Variants in VAV1 observed in about 807,000 individuals in gnomAD.
VAV1 encodes proto-oncogene vav.
A neutral mutation model predicts 128.1 loss-of-function variants in VAV1; 33 were observed. The ratio of observed to expected loss-of-function variants is 0.26; its 90% CI spans 0.20 to 0.34. VAV1 has a LOEUF of 0.34. VAV1 is among the 10% of genes least tolerant of loss of function. VAV1 has a pLI of 1.00. For synonymous variants in VAV1, 394 were observed against 409.8 expected, an observed-to-expected ratio of 0.96 and a Z score of 0.47; for missense variants, 715 against 1,093.7, an observed-to-expected ratio of 0.65 and a Z score of 4.88.
intron 1 of VAV1, among the ~76,000 whole-genome samples, chr19:6,781,742 A>G (rs692221): frequency 0.26 from 39,141 of 151,448 alleles, 5,696 homozygotes; most frequent in African/African-American, 0.39. Context: ...CAAGTAGCTG[A>G]GATTACAGGT....
At chr19:6,824,983 CCT>C in intron 6 of VAV1, 68 bp from the exon 7 acceptor site, 2 of 1,513,416 alleles carry the variant, frequency 1.3e-6, no homozygotes, top group Non-Finnish European at 1.8e-6. Flanking sequence ...GTCTCCTTCC[CCT>C]GTCTCTCTGA....
intron 1 of VAV1, among the ~76,000 whole-genome samples, chr19:6,819,294 C>T (rs1971731320): frequency 6.6e-6 from 1 of 151,936 alleles, no homozygotes. Context: ...TATGAATATC[C>T]AGTCCTAAAA....
chr19:6,821,587 A>G (rs759373425), intron 2 of VAV1, 35 bp from the exon 3 acceptor site: 1 of 1,613,776 alleles, frequency 6.2e-7, no homozygotes, highest in South Asian at 1.1e-5. Flanking sequence ...GGGGGTGTAC[A>G]AGGGGCTCAC....
chr19:6,848,490 C>T (rs1972582250), intron 23 of VAV1, among the ~76,000 whole-genome samples: 1 of 151,122 alleles, frequency 6.6e-6, no homozygotes, highest in South Asian at 2.1e-4. Context: ...CTCACTGCAA[C>T]CTCCCAGGTT....
chr19:6,797,761 A>G (rs565451712), intron 1 of VAV1, among the ~76,000 whole-genome samples: 103 of 151,652 alleles, frequency 6.8e-4, no homozygotes, highest in Non-Finnish European at 1.1e-3. Context: ...AAAAAAAAAA[A>G]AGAGTAGGAG....
intron 26 of VAV1, among the ~76,000 whole-genome samples, chr19:6,855,627 C>A (rs1972775123): frequency 6.6e-6 from 1 of 151,962 alleles, no homozygotes; most frequent in South Asian, 2.1e-4. Context: ...TCATCCATTT[C>A]TATCTGTGCA....
intron 1 of VAV1, among the ~76,000 whole-genome samples, chr19:6,796,525 C>T (rs2144722954): frequency 6.6e-6 from 1 of 152,272 alleles, no homozygotes; most frequent in East Asian, 1.9e-4. Flanking sequence ...CTGGCTGTTC[C>T]CTCTGCCTGA....
intron 24 of VAV1, 52 bp from the exon 25 acceptor site, chr19:6,852,913 C>A (rs552563453): frequency 4.0e-6 from 6 of 1,497,088 alleles, no homozygotes; most frequent in Non-Finnish European, 5.5e-6. Flanking sequence ...AGCTCTGCCC[C>A]CTTATGGGCT....
intron 1 of VAV1, among the ~76,000 whole-genome samples, chr19:6,788,983 C>A (rs1325714459): frequency 6.6e-6 from 1 of 152,190 alleles, no homozygotes; most frequent in Non-Finnish European, 1.5e-5. Context: ...CTGGGAGCTG[C>A]CCTGTGTATT....
chr19:6,830,802 A>G (rs1599664201), intron 14 of VAV1, among the ~76,000 whole-genome samples: 1 of 151,148 alleles, frequency 6.6e-6, no homozygotes, highest in Admixed American at 6.6e-5. Context: ...AAAATAAAGT[A>G]GGTGGCTGGG....
chr19:6,854,623 G>A (rs1723931036), intron 26 of VAV1, among the ~76,000 whole-genome samples: 1 of 152,122 alleles, frequency 6.6e-6, no homozygotes, highest in African/African-American at 2.4e-5. Flanking sequence ...GCTGAGGTGG[G>A]AGGATTGCTT....
At chr19:6,780,350 TG>T (rs1467528733) in intron 1 of VAV1, among the ~76,000 whole-genome samples, 1 of 149,970 alleles carries the variant, frequency 6.7e-6, no homozygotes, top group Admixed American at 6.6e-5. Context: ...AGTTGTGTGT[TG>T]CTTAATAAAA....
intron 1 of VAV1, among the ~76,000 whole-genome samples, chr19:6,776,948 G>A (rs1970656407): frequency 6.6e-6 from 1 of 152,072 alleles, no homozygotes; most frequent in Non-Finnish European, 1.5e-5. Context: ...GTAGAGATGG[G>A]GTTTCACCAT....
At chr19:6,817,363 C>CA (rs1971679196) in intron 1 of VAV1, among the ~76,000 whole-genome samples, 1 of 151,838 alleles carries the variant, frequency 6.6e-6, no homozygotes. Flanking sequence ...AGCACCCAGC[C>CA]AAAAAATGCA....
Position 6,777,376 on chromosome 19 carries a change from C to T in VAV1, c.204+4365C>T, listed in dbSNP as rs1970671529. 6.6e-6 allele frequency among the ~76,000 whole-genome samples: 1 copy of T among 152,140 alleles called. No homozygotes were observed. The highest frequency in any genetic ancestry group is 1.5e-5 in the Non-Finnish European group (1 of 68,028). ...ACAAAAACCCCTGTTGTTGAGGAGC[C>T]TGCATTCTAGTGGGGGAGGCTGACA... On this transcript the variant is annotated intron_variant, in intron 1 of 26. Transcript: ENST00000602142. This position sits in a 1 kb window ranked among gnomAD's most constrained non-coding sequence, Gnocchi z 4.4.
rs1402704511 is a variant in VAV1, at chr19:6,820,240, T to C, written c.205-462T>C. Among the ~76,000 whole-genome samples the C allele has an allele frequency of 6.6e-6, 1 of 152,088 alleles. No homozygotes were observed. Among genetic ancestry groups the C allele is most frequent in the Non-Finnish European group, 1.5e-5 (1 of 68,020 alleles). The stretch of plus-strand genomic sequence containing the variant: ...AGGTGGAGGCAGGAGGCATGGTTTT[T>C]TGTTTGTTTGTTTGAGACAGGGTCT... On this transcript the variant is annotated intron_variant, in intron 1 of 26. Transcript: ENST00000602142. The surrounding 1 kb of genome is among the most constrained non-coding windows in gnomAD (Gnocchi z 4.4).
chr19:6,789,644 C>T (rs905851426), intron 1 of VAV1, among the ~76,000 whole-genome samples: 12 of 152,050 alleles, frequency 7.9e-5, no homozygotes, highest in Non-Finnish European at 1.3e-4. Flanking sequence ...GTCACTCAGA[C>T]TGGACTACAG....
At chr19:6,852,548 C>T (rs919187229) in intron 24 of VAV1, among the ~76,000 whole-genome samples, 27 of 151,878 alleles carry the variant, frequency 1.8e-4, no homozygotes, top group East Asian at 3.9e-4. Flanking sequence ...GGTGAAACCC[C>T]GTCTCTACTA....
Position 6,828,683 on chromosome 19 carries a change from A to G in VAV1, c.1154A>G (p.Asn385Ser). The G allele has an allele frequency of 2.5e-6, 4 of 1,614,128 alleles. No individual in the cohort carries two copies. The highest frequency in any genetic ancestry group is 1.1e-5 in the South Asian group (1 of 91,082). ...AACGAGACACTGCGACAGATCACCAATTTCCAGCTGTCCATTGAGAACCTG... is the reference window on the plus strand; with the variant it reads ...AACGAGACACTGCGACAGATCACCAGTTTCCAGCTGTCCATTGAGAACCTG... ...RDNETLRQIT[N>S]FQLSIENLDQ... The change falls in exon 12 of 27, where the codon AAT (asparagine) becomes AGT (serine). Residue 385 changes from asparagine (N) to serine (S), a missense_variant. Asn to Ser is a conservative substitution (Grantham distance 46). This residue lies in a region of VAV1 where 6 missense variants were observed against 35.3 expected (regional missense o/e 0.17). Transcript: ENST00000602142. This position sits in a 1 kb window ranked among gnomAD's most constrained non-coding sequence, Gnocchi z 4.5.
Sources: allele counts gnomAD v4.1 joint callset (sites outside exome capture counted in the v4.1 genomes callset), GRCh38; gene constraint gnomAD v4.1.1; regional missense constraint gnomAD v4.1.1; non-coding constraint Gnocchi (gnomAD v3.1); transcripts MANE v1.5; gene names NCBI Gene and HGNC (gene_info 2026-07-23, HGNC 2026-07-21).